Variants in CHCHD6 observed in about 807,000 individuals in gnomAD.
CHCHD6 encodes coiled-coil-helix-coiled-coil-helix domain containing 6.
A neutral mutation model predicts 32.3 loss-of-function variants in CHCHD6; 28 were observed. That is an observed-to-expected ratio of 0.87 (90% CI 0.64 to 1.19). The LOEUF is 1.19. Among genes scored for constraint, CHCHD6 ranks in the 50% most tolerant of loss-of-function variants. The pLI is 0.00. For synonymous variants in CHCHD6, 122 were observed against 117.5 expected (o/e 1.04, Z -0.25); for missense variants, 333 against 307.0 (o/e 1.08, Z -0.63).
At chr3:126,844,247 G>C (rs767862309) in intron 4 of CHCHD6, among the ~76,000 whole-genome samples, 12 of 152,122 alleles carry the variant, frequency 7.9e-5, no homozygotes, top group Non-Finnish European at 1.6e-4. Context: ...TGATAATACT[G>C]TTCAAATCTT....
rs1410832558 is a variant in CHCHD6, at chr3:126,787,351, A to G, written c.411+54129A>G. Among the ~76,000 whole-genome samples the G allele has an allele frequency of 2.0e-4, 31 of 152,148 alleles. 1 individual carries two copies. Among genetic ancestry groups the G allele is most frequent in the Non-Finnish European group, 5.9e-5 (4 of 68,026 alleles). ...ATGAACTTTAAAGTAGTTTTTTCCA[A>G]TTCTGTGAAAAAAGTCATTGGTAGC... On this transcript the variant is annotated intron_variant, in intron 4 of 7. Coordinates refer to ENST00000290913, the MANE Select transcript of CHCHD6 (RefSeq NM_032343.3).
chr3:126,725,827 C>G (rs1935508035), intron 1 of CHCHD6, among the ~76,000 whole-genome samples: 1 of 152,240 alleles, frequency 6.6e-6, no homozygotes, highest in Admixed American at 6.5e-5. Context: ...TCACTTCAGT[C>G]TTTTCTTCTG....
At chr3:126,739,897 G>C (rs1045792698) in intron 4 of CHCHD6, among the ~76,000 whole-genome samples, 19 of 152,180 alleles carry the variant, frequency 1.2e-4, no homozygotes, top group Admixed American at 3.9e-4. Context: ...TTTGCTTGCA[G>C]TTTTATGTGC....
chr3:126,914,745 A>G lies in CHCHD6; in HGVS notation c.561A>G (p.Thr187=). The change falls in exon 6 of 8, where the codon ACA becomes ACG. Residue 187 remains threonine (T), a synonymous_variant. Transcript: ENST00000290913. The part of the protein sequence containing the change: ...FHEAASKMES[T]IKPRRVEPVC... ...AGGCAGCCTCAAAGATGGAGAGCACAATAAAGTAAGAATTTGTTTATTATT... is the reference window on the plus strand; with the variant it reads ...AGGCAGCCTCAAAGATGGAGAGCACGATAAAGTAAGAATTTGTTTATTATT... 1 of 1,553,598 alleles carries G rather than the reference A, an allele frequency of 6.4e-7. No individual in the cohort carries two copies. The highest frequency in any genetic ancestry group is 8.9e-7 in the Non-Finnish European group (1 of 1,124,664).
chr3:126,750,617 C>T (rs1006417237), intron 4 of CHCHD6, among the ~76,000 whole-genome samples: 2 of 152,242 alleles, frequency 1.3e-5, no homozygotes, highest in African/African-American at 4.8e-5. Flanking sequence ...GCATGGCTGC[C>T]TCTAGGCCTG....
intron 6 of CHCHD6, among the ~76,000 whole-genome samples, chr3:126,944,195 G>A (rs62263301): frequency 0.034 from 5,251 of 152,330 alleles, 140 homozygotes; most frequent in Non-Finnish European, 0.049. Context: ...GAGAATGCAG[G>A]ACACGGCATG....
chr3:126,772,931 G>T (rs548208752), intron 4 of CHCHD6, among the ~76,000 whole-genome samples: 2 of 152,224 alleles, frequency 1.3e-5, no homozygotes, highest in African/African-American at 4.8e-5. Flanking sequence ...TAGTGGTAAT[G>T]AATTCCCTCA....
At chr3:126,923,234 C>A (rs1221580787) in intron 6 of CHCHD6, among the ~76,000 whole-genome samples, 6 of 152,216 alleles carry the variant, frequency 3.9e-5, no homozygotes, top group Admixed American at 3.9e-4. Flanking sequence ...GATTTCAGAA[C>A]ACAGAATCTG....
chr3:126,905,677 C>T (rs1029097091), intron 5 of CHCHD6, among the ~76,000 whole-genome samples: 4 of 152,014 alleles, frequency 2.6e-5, no homozygotes, highest in Admixed American at 6.6e-5. Flanking sequence ...GTGTGAGGTG[C>T]GTCCTTGTGT....
chr3:126,761,068 G>A (rs567089090), intron 4 of CHCHD6, among the ~76,000 whole-genome samples: 6 of 152,322 alleles, frequency 3.9e-5, no homozygotes, highest in South Asian at 4.1e-4. Flanking sequence ...CCTGGCAAGC[G>A]ATCCTCCTGC....
chr3:126,911,050 A>G (rs369398710), intron 5 of CHCHD6, among the ~76,000 whole-genome samples: 5 of 152,266 alleles, frequency 3.3e-5, no homozygotes, highest in Admixed American at 1.3e-4. Context: ...TTTTTCAAAA[A>G]CATTGTTTAG....
chr3:126,950,480 C>A (rs1202855532), intron 6 of CHCHD6, among the ~76,000 whole-genome samples: 1 of 152,160 alleles, frequency 6.6e-6, no homozygotes, highest in East Asian at 1.9e-4. Flanking sequence ...GAGACAAAGT[C>A]TTGCTCTATA....
At chr3:126,859,595 A>G (rs538941420) in intron 5 of CHCHD6, among the ~76,000 whole-genome samples, 82 of 152,312 alleles carry the variant, frequency 5.4e-4, no homozygotes, top group Admixed American at 5.1e-3. Context: ...GCCCTCTTAC[A>G]TAAGTCATCG....
chr3:126,751,737 G>A (rs1936733300), intron 4 of CHCHD6, among the ~76,000 whole-genome samples: 2 of 152,132 alleles, frequency 1.3e-5, no homozygotes, highest in African/African-American at 2.4e-5. Flanking sequence ...GCCTGGGGTC[G>A]AATCCTGCTT....
intron 4 of CHCHD6, among the ~76,000 whole-genome samples, chr3:126,761,019 G>T (rs1487330278): frequency 6.6e-6 from 1 of 152,084 alleles, no homozygotes; most frequent in Admixed American, 6.5e-5. Flanking sequence ...AATTTGTAGA[G>T]AGAGGATCTT....
At chr3:126,720,852 G>A in intron 1 of CHCHD6, among the ~76,000 whole-genome samples, 1 of 152,134 alleles carries the variant, frequency 6.6e-6, no homozygotes. Context: ...GGCTTTAGAT[G>A]TTTCTCCTCA....
At chr3:126,747,107 G>T (rs544047577) in intron 4 of CHCHD6, among the ~76,000 whole-genome samples, 2 of 152,298 alleles carry the variant, frequency 1.3e-5, no homozygotes, top group South Asian at 4.1e-4. Context: ...TCTCTTCCGA[G>T]ACAGCCTAAG....
chr3:126,861,180 C>T (rs1030701473), intron 5 of CHCHD6, among the ~76,000 whole-genome samples: 1 of 152,056 alleles, frequency 6.6e-6, no homozygotes, highest in African/African-American at 2.4e-5. Context: ...CTGGAGGTCA[C>T]ACACCTAATG....
chr3:126,924,061 A>G (rs1251604680), intron 6 of CHCHD6, among the ~76,000 whole-genome samples: 1 of 152,198 alleles, frequency 6.6e-6, no homozygotes, highest in Non-Finnish European at 1.5e-5. Context: ...AGGCAGCCTC[A>G]TACCTAGTGA....
Sources: gnomAD v4.1 joint callset for allele counts (sites outside exome capture counted in the v4.1 genomes callset) on GRCh38, gnomAD v4.1.1 for gene constraint, MANE v1.5 for transcripts, NCBI Gene and HGNC (gene_info 2026-07-23, HGNC 2026-07-21) for gene names.